TMEM132D: variants seen among roughly 807,000 people sequenced by gnomAD.
The protein encoded by TMEM132D is transmembrane protein 132D.
A neutral mutation model predicts 62.3 loss-of-function variants in TMEM132D; 21 were observed. The observed-to-expected ratio is 0.34, with a 90% CI of 0.24 to 0.49. The LOEUF (loss-of-function observed/expected upper bound fraction) is 0.49. TMEM132D is among the 20% of genes least tolerant of loss of function. TMEM132D has a pLI of 0.99. For synonymous variants in TMEM132D, 621 were observed against 575.6 expected (o/e 1.08, Z -1.13); for missense variants, 1,346 against 1,402.8 (o/e 0.96, Z 0.65).
chr12:129,273,248 C>T (rs1389916101), intron 4 of TMEM132D, among the ~76,000 whole-genome samples: 2 of 151,492 alleles, frequency 1.3e-5, no homozygotes, highest in Non-Finnish European at 2.9e-5. Flanking sequence ...ATAATAGACG[C>T]TGGTGAAGCT....
chr12:129,464,450 T>G (rs1873811669), intron 3 of TMEM132D, among the ~76,000 whole-genome samples: 1 of 152,248 alleles, frequency 6.6e-6, no homozygotes, highest in Non-Finnish European at 1.5e-5. Flanking sequence ...TAGTTTCTTT[T>G]GCTGTGCAGA....
At chr12:129,189,762 G>C (rs1386424456) in intron 5 of TMEM132D, among the ~76,000 whole-genome samples, 1 of 152,158 alleles carries the variant, frequency 6.6e-6, no homozygotes, top group African/African-American at 2.4e-5. Context: ...ATATTATTAA[G>C]GGAGTCTGTG....
At chr12:129,360,729 C>T (rs1232994907) in intron 3 of TMEM132D, among the ~76,000 whole-genome samples, 3 of 152,210 alleles carry the variant, frequency 2.0e-5, no homozygotes, top group Non-Finnish European at 4.4e-5. Flanking sequence ...GGAAAGGCTG[C>T]TGTCAGGAAG....
intron 4 of TMEM132D, among the ~76,000 whole-genome samples, chr12:129,278,734 C>T (rs569652267): frequency 1.3e-5 from 2 of 152,162 alleles, no homozygotes; most frequent in Non-Finnish European, 2.9e-5. Context: ...TCAAGGAAAC[C>T]GCTAAACGGG....
intron 2 of TMEM132D, among the ~76,000 whole-genome samples, chr12:129,699,273 C>T (rs1187360528): frequency 2.0e-5 from 3 of 152,124 alleles, no homozygotes; most frequent in East Asian, 1.9e-4. Context: ...ATTCTTCACA[C>T]GTTATGCTCA....
intron 2 of TMEM132D, among the ~76,000 whole-genome samples, chr12:129,691,427 A>C (rs962006926): frequency 6.6e-6 from 1 of 152,060 alleles, no homozygotes; most frequent in Non-Finnish European, 1.5e-5. Flanking sequence ...AAAATTGATA[A>C]AATCCTACTC....
chr12:129,523,244 T>G (rs1048741741), intron 3 of TMEM132D, among the ~76,000 whole-genome samples: 1 of 152,214 alleles, frequency 6.6e-6, no homozygotes, highest in Admixed American at 6.5e-5. Flanking sequence ...CCACTGCAGG[T>G]GTTTTTGGTA....
rs971177938 is a variant in TMEM132D, at chr12:129,194,227, T to C, written c.1443+15293A>G. Among the ~76,000 whole-genome samples the C allele has an allele frequency of 2.0e-5, 3 of 152,212 alleles. 1 individual carries two copies. In the South Asian group the frequency reaches 6.2e-4, roughly 32 times the overall value. ...AATTAGGGCTGGGCCCCTCTCTTCC[T>C]AACCTCACCCCTGTTTTCTTATCTT... is the stretch of plus-strand genomic sequence containing the variant. On this transcript the variant is annotated intron_variant, in intron 5 of 8. Coordinates refer to ENST00000422113, the MANE Select transcript of TMEM132D (RefSeq NM_133448.3).
At chr12:129,147,955 C>A (rs901374987) in intron 5 of TMEM132D, among the ~76,000 whole-genome samples, 2 of 152,186 alleles carry the variant, frequency 1.3e-5, no homozygotes, top group African/African-American at 4.8e-5. Flanking sequence ...ATGTCCAGTA[C>A]TTTCTCCGTG....
intron 1 of TMEM132D, among the ~76,000 whole-genome samples, chr12:129,791,006 T>C (rs1202998092): frequency 1.3e-5 from 2 of 152,242 alleles, no homozygotes; most frequent in Non-Finnish European, 2.9e-5. Flanking sequence ...TCAAAAGTAC[T>C]AAGACCTTTA....
intron 1 of TMEM132D, among the ~76,000 whole-genome samples, chr12:129,851,473 G>A (rs996242001): frequency 7.2e-5 from 11 of 152,054 alleles, no homozygotes; most frequent in Middle Eastern, 3.2e-3. Context: ...CACTGCTCTA[G>A]GTTGGAGATA....
chr12:129,576,242 T>C (rs1877655803), intron 2 of TMEM132D, among the ~76,000 whole-genome samples: 1 of 152,062 alleles, frequency 6.6e-6, no homozygotes, highest in Admixed American at 6.5e-5. Flanking sequence ...ATGGTGTGGG[T>C]TGAAACTGTA....
At chr12:129,808,776 T>A (rs755916886) in intron 1 of TMEM132D, among the ~76,000 whole-genome samples, 1 of 150,556 alleles carries the variant, frequency 6.6e-6, no homozygotes, top group Non-Finnish European at 1.5e-5. Flanking sequence ...AAGGAAGCCA[T>A]AGAGAACATG....
chr12:129,816,836 C>A (rs970636491), intron 1 of TMEM132D, among the ~76,000 whole-genome samples: 5 of 152,072 alleles, frequency 3.3e-5, no homozygotes, highest in African/African-American at 1.2e-4. Context: ...TGTTCTCATG[C>A]GTGAATGAAT....
chr12:129,106,260 C>G (rs1230635085), intron 5 of TMEM132D, among the ~76,000 whole-genome samples: 2 of 127,064 alleles, frequency 1.6e-5, no homozygotes, highest in African/African-American at 3.4e-5. Context: ...CACTCTGGGG[C>G]CTGTTGTGGG....
intron 4 of TMEM132D, among the ~76,000 whole-genome samples, chr12:129,275,218 C>T (rs1397006537): frequency 2.6e-5 from 4 of 151,886 alleles, no homozygotes; most frequent in Non-Finnish European, 5.9e-5. Flanking sequence ...AGTTCAATTG[C>T]TGTAGTGAGC....
At chr12:129,406,817 G>A (rs1871804908) in intron 3 of TMEM132D, among the ~76,000 whole-genome samples, 1 of 152,160 alleles carries the variant, frequency 6.6e-6, no homozygotes, top group East Asian at 1.9e-4. Flanking sequence ...CTGTGCAAGT[G>A]CACGGCTATC....
rs548265977 is a variant in TMEM132D, at chr12:129,585,211, A to T, written c.969-54006T>A. Among the ~76,000 whole-genome samples the T allele has an allele frequency of 2.8e-3, 426 of 152,322 alleles. 4 individuals carry two copies. The highest frequency in any genetic ancestry group is 2.2e-3 in the Non-Finnish European group (148 of 68,038). ...ATGAAATCATCAGAATGGTAGAACA[A>T]TTTAAAACATATGTTATTAAGGGAA... On this transcript the variant is annotated intron_variant, in intron 2 of 8. Transcript: ENST00000422113.
At chr12:129,114,431 T>TC (rs912360948) in intron 5 of TMEM132D, among the ~76,000 whole-genome samples, 52 of 147,664 alleles carry the variant, frequency 3.5e-4, no homozygotes, top group African/African-American at 8.9e-4. Flanking sequence ...CTTCCCTCCT[T>TC]CCTCCCTCCC....
Sources: gnomAD v4.1 joint callset for allele counts (sites outside exome capture counted in the v4.1 genomes callset) on GRCh38, gnomAD v4.1.1 for gene constraint, MANE v1.5 for transcripts, NCBI Gene and HGNC (gene_info 2026-07-23, HGNC 2026-07-21) for gene names.